The following TOGARAM1 variants were observed in gnomAD, a reference collection of about 807,000 sequenced individuals.
TOGARAM1 encodes the protein TOG array regulator of axonemal microtubules protein 1.
TOGARAM1 carries 100 observed loss-of-function variants against 166.6 expected under a neutral mutation model. The ratio of observed to expected loss-of-function variants is 0.60; its 90% confidence interval spans 0.51 to 0.71. The LOEUF (loss-of-function observed/expected upper bound fraction) is 0.71, where lower values mean the gene tolerates loss of function less well. Among genes scored for constraint, TOGARAM1 ranks in the 30% least tolerant of loss-of-function variants. TOGARAM1 has a pLI of 0.00. For missense variants in TOGARAM1, 2,029 were observed against 2,102.7 expected (o/e 0.96, Z 0.69); for synonymous variants, 758 against 763.8 (o/e 0.99, Z 0.13).
intron 7 of TOGARAM1, among the ~76,000 whole-genome samples, chr14:45,025,090 A>T (rs1019223433): frequency 2.0e-5 from 3 of 152,236 alleles, no homozygotes; most frequent in African/African-American, 7.2e-5. Context: ...GATTGTAAAT[A>T]AAGAATCAGA....
chr14:44,999,639 C>T lies in TOGARAM1; in HGVS notation c.2338+142C>T, dbSNP rs1163712234. On this transcript the variant is annotated intron_variant, in intron 3 of 19. Transcript: ENST00000361462. ...TTGTTATATTTTTAATAACTTTTTT[C>T]ATAATTGTTACCCTAAAGTATTAGT... is the stretch of plus-strand genomic sequence containing the variant. The T allele has an allele frequency of 7.4e-6, 5 of 673,336 alleles. No individual in the cohort carries two copies. In the East Asian group the frequency reaches 1.5e-4, roughly 20 times the overall value. 41.7% of individuals were successfully genotyped at this position (673,336 alleles called of 1,614,324 possible).
chr14:44,986,867 G>A (rs560549507), intron 1 of TOGARAM1, among the ~76,000 whole-genome samples: 8 of 151,068 alleles, frequency 5.3e-5, no homozygotes, highest in African/African-American at 1.2e-4. Flanking sequence ...TTAGCCGGGC[G>A]TGGTGGCGGG....
Position 45,066,573 on chromosome 14 carries a change from T to A in TOGARAM1, c.4560-5T>A. ...GAAATTACCTTCACCTTTCTTTCAC[T>A]TTAGAGCTGTAACTGAAGTTCGTGA... On this transcript the variant is annotated splice_region_variant and splice_polypyrimidine_tract_variant and intron_variant, in intron 16 of 19. Transcript: ENST00000361462. 1 of 1,601,298 alleles carries A rather than the reference T, an allele frequency of 6.2e-7. No individual in the cohort carries two copies. Among genetic ancestry groups the A allele is most frequent in the Non-Finnish European group, 8.5e-7 (1 of 1,171,126 alleles).
At chr14:45,045,524 T>A (rs1881943214) in intron 13 of TOGARAM1, among the ~76,000 whole-genome samples, 1 of 124,566 alleles carries the variant, frequency 8.0e-6, no homozygotes, top group African/African-American at 3.0e-5. Flanking sequence ...GGCAGAGTAG[T>A]ATTCCATGGT....
intron 2 of TOGARAM1, chr14:44,996,969 C>T (rs537975100): frequency 2.0e-5 from 3 of 152,174 alleles, no homozygotes; most frequent in East Asian, 1.9e-4. Context: ...ATTACCAATT[C>T]GACATGAGAT....
chr14:44,988,229 A>G (rs1026800444), intron 1 of TOGARAM1, among the ~76,000 whole-genome samples: 1 of 152,102 alleles, frequency 6.6e-6, no homozygotes, highest in African/African-American at 2.4e-5. Flanking sequence ...CATTGTGCAC[A>G]TGTACCCTAG....
Position 45,039,114 on chromosome 14 carries a change from G to A in TOGARAM1, c.3813-4572G>A, listed in dbSNP as rs141196285. ...TTTTGGTGTCTCTGCAGCCCTCAGC[G>A]GAGAGGAGACCCAGAGTGGGTAGCT... On this transcript the variant is annotated intron_variant, in intron 11 of 19. Coordinates refer to ENST00000361462, the MANE Select transcript of TOGARAM1 (RefSeq NM_001308120.2). Among the ~76,000 whole-genome samples, 15 of 152,100 alleles carry A rather than the reference G, an allele frequency of 9.9e-5. 1 individual carries two copies. The highest frequency in any genetic ancestry group is 3.4e-3 in the Middle Eastern group (1 of 294).
At chr14:44,983,629 G>A (rs1263832795) in intron 1 of TOGARAM1, among the ~76,000 whole-genome samples, 1 of 151,948 alleles carries the variant, frequency 6.6e-6, no homozygotes, top group African/African-American at 2.4e-5. Flanking sequence ...TAAGAATGTG[G>A]GATTTAGAAC....
In TOGARAM1 at chr14:44,977,448, G is replaced by C. The variant is rs556125958; in HGVS notation, c.2046+12981G>C. 3.4e-3 allele frequency among the ~76,000 whole-genome samples: 519 copies of C among 151,358 alleles called. 3 individuals carry two copies. Among genetic ancestry groups the C allele is most frequent in the Non-Finnish European group, 5.5e-3 (375 of 67,842 alleles). On this transcript the variant is annotated intron_variant, in intron 1 of 19. Coordinates refer to ENST00000361462, the MANE Select transcript of TOGARAM1 (RefSeq NM_001308120.2). The stretch of plus-strand genomic sequence containing the variant: ...AGACGGGGTTTCACCGTGTTAGCTG[G>C]GATGGTCTTGATCTCCTGACCTCAT...
intron 16 of TOGARAM1, among the ~76,000 whole-genome samples, chr14:45,062,062 C>T (rs182781900): frequency 6.6e-6 from 1 of 152,226 alleles, no homozygotes; most frequent in East Asian, 1.9e-4. Flanking sequence ...TTCTATATTA[C>T]TGACTATTTT....
chr14:45,043,483 C>T (rs1393712463), intron 11 of TOGARAM1, among the ~76,000 whole-genome samples: 1 of 152,064 alleles, frequency 6.6e-6, no homozygotes, highest in Non-Finnish European at 1.5e-5. Flanking sequence ...GCCCACATTG[C>T]ACTTTTATGT....
intron 11 of TOGARAM1, among the ~76,000 whole-genome samples, chr14:45,039,941 C>T (rs543984333): frequency 2.0e-5 from 3 of 152,292 alleles, no homozygotes; most frequent in Non-Finnish European, 4.4e-5. Flanking sequence ...ACAGCAGCCA[C>T]TCCAGAGGGG....
intron 8 of TOGARAM1, among the ~76,000 whole-genome samples, chr14:45,026,803 G>A (rs180848728): frequency 2.0e-5 from 3 of 150,646 alleles, no homozygotes; most frequent in Admixed American, 6.6e-5. Context: ...TTCAAGACCA[G>A]CCTGGACAAC....
intron 7 of TOGARAM1, among the ~76,000 whole-genome samples, chr14:45,013,545 T>A (rs973384127): frequency 1.3e-5 from 2 of 152,196 alleles, no homozygotes; most frequent in African/African-American, 4.8e-5. Context: ...ACACCCCAGT[T>A]TGATGTTTAA....
chr14:45,051,674 C>T (rs375928645), intron 14 of TOGARAM1, among the ~76,000 whole-genome samples: 2 of 151,288 alleles, frequency 1.3e-5, no homozygotes, highest in African/African-American at 4.9e-5. Flanking sequence ...ATTTTCCTGC[C>T]TCAGTCTCCT....
intron 16 of TOGARAM1, among the ~76,000 whole-genome samples, chr14:45,058,292 A>T (rs1162568854): frequency 1.3e-5 from 2 of 149,326 alleles, no homozygotes; most frequent in Non-Finnish European, 3.0e-5. Context: ...ATTTATGTAG[A>T]GTGTCTTTTT....
At chr14:44,971,938 G>A (rs959797868) in intron 1 of TOGARAM1, among the ~76,000 whole-genome samples, 2 of 151,860 alleles carry the variant, frequency 1.3e-5, no homozygotes, top group Non-Finnish European at 2.9e-5. Flanking sequence ...CTCATGGCTG[G>A]GTAGACCTCG....
chr14:45,008,164 A>G (rs968319803), intron 5 of TOGARAM1: 1 of 149,758 alleles, frequency 6.7e-6, no homozygotes, highest in African/African-American at 2.5e-5. Context: ...GTATGTTTCT[A>G]TTTTCCTTAA....
chr14:45,004,432 G>A, intron 4 of TOGARAM1, 66 bp downstream of exon 4: 4 of 1,303,460 alleles, frequency 3.1e-6, no homozygotes, highest in Non-Finnish European at 4.3e-6. Flanking sequence ...TAATGCATAG[G>A]GCTGTTAGAT....
Sources: gnomAD v4.1 joint callset for allele counts (sites outside exome capture counted in the v4.1 genomes callset) on GRCh38, gnomAD v4.1.1 for gene constraint, MANE v1.5 for transcripts, NCBI Gene and HGNC (gene_info 2026-07-23, HGNC 2026-07-21) for gene names.